STK31: variants seen among roughly 807,000 people sequenced by gnomAD.
The protein encoded by STK31 is serine/threonine-protein kinase 31.
Under a neutral mutation model 129.7 loss-of-function variants are expected in STK31, and 89 were observed. That is an observed-to-expected ratio of 0.69 (90% CI 0.58 to 0.82). STK31 has a LOEUF of 0.82. Among genes scored for constraint, STK31 ranks in the 40% least tolerant of loss-of-function variants. STK31 has a pLI of 0.00. For synonymous variants in STK31, 448 were observed against 395.3 expected (o/e 1.13, Z -1.58); for missense variants, 1,187 against 1,176.4 (o/e 1.01, Z -0.13).
chr7:23,780,344 G>T (rs1180984626), intron 15 of STK31, among the ~76,000 whole-genome samples: 1 of 152,170 alleles, frequency 6.6e-6, no homozygotes, highest in Admixed American at 6.5e-5. Context: ...ACTATCTGAG[G>T]CAGGTATCAA....
intron 8 of STK31, among the ~76,000 whole-genome samples, chr7:23,743,321 T>C (rs1788165116): frequency 6.6e-6 from 1 of 152,186 alleles, no homozygotes; most frequent in Non-Finnish European, 1.5e-5. Context: ...GCATCTCTTG[T>C]AGGGATGGTC....
In STK31 at chr7:23,832,242, C is replaced by G. The variant is rs138652787; in HGVS notation, c.2936C>G (p.Ser979Ter). 3,322 of 1,614,022 alleles carry G rather than the reference C, an allele frequency of 2.1e-3. 7 individuals are homozygous for G. Among genetic ancestry groups the G allele is most frequent in the Non-Finnish European group, 2.6e-3 (3,041 of 1,179,924 alleles). The change falls in exon 24 of 24, where the codon TCA (serine) becomes TGA (stop). Residue 979 changes from serine (S) to a stop codon, truncating the protein, a stop_gained. Transcript: ENST00000355870. LOFTEE classifies it high-confidence loss of function. ...TGTTTCTTGATGCCAAAGGAGCAAT[C>G]AGTTCCAAACCCAGAAAAAGATACT... ...AECFLMPKEQ[S>*]VPNPEKDTEY... is the part of the protein sequence containing the mutation.
At chr7:23,796,491 T>C (rs954467921) in intron 22 of STK31, among the ~76,000 whole-genome samples, 5 of 152,220 alleles carry the variant, frequency 3.3e-5, no homozygotes, top group East Asian at 1.9e-4. Flanking sequence ...TCTACTCTTA[T>C]GTATTGTTGA....
upstream of STK31, chr7:23,710,207 T>C (rs1190301479): frequency 6.2e-7 from 1 of 1,608,614 alleles, no homozygotes; most frequent in East Asian, 2.2e-5. Context: ...GCAGGCGCAG[T>C]GTGGGGCCCT....
chr7:23,781,504 A>C lies in STK31; in HGVS notation c.2051A>C (p.His684Pro). The change falls in exon 16 of 24, where the codon CAT becomes CCT. Residue 684 changes from histidine to proline, a missense_variant. His to Pro is a moderately conservative substitution (Grantham distance 77). Coordinates refer to ENST00000355870, the MANE Select transcript of STK31 (RefSeq NM_031414.5). ...AATAATGTCTTTCAGGAAATTTATC[A>C]TGAGAGAGAGGAATATGTAAGTATT... is the stretch of plus-strand genomic sequence containing the variant. ...LRNNVFQEIY[H>P]EREEYEMLTS... 2 of 1,607,696 alleles carry C rather than the reference A, an allele frequency of 1.2e-6. No homozygotes were observed. The highest frequency in any genetic ancestry group is 1.7e-6 in the Non-Finnish European group (2 of 1,177,072).
chr7:23,718,796 T>C (rs1786510060), intron 4 of STK31, among the ~76,000 whole-genome samples: 1 of 152,108 alleles, frequency 6.6e-6, no homozygotes, highest in Non-Finnish European at 1.5e-5. Flanking sequence ...TGAATGAAAC[T>C]GCCGTGAAAT....
At chr7:23,811,039 A>C (rs1355756517) in intron 22 of STK31, 2 of 156,878 alleles carry the variant, frequency 1.3e-5, no homozygotes, top group African/African-American at 4.8e-5. Flanking sequence ...AAAACTCAAG[A>C]TGACATTATT....
At chr7:23,733,250 A>G (rs77772791) in intron 6 of STK31, among the ~76,000 whole-genome samples, 3,047 of 152,142 alleles carry the variant, frequency 0.02, 34 homozygotes, top group Non-Finnish European at 0.031. Flanking sequence ...TGTTTTGTGG[A>G]TTTAAAAAAT....
chr7:23,815,530 T>A (rs1793418347), intron 23 of STK31, among the ~76,000 whole-genome samples: 1 of 152,192 alleles, frequency 6.6e-6, no homozygotes, highest in African/African-American at 2.4e-5. Context: ...AGTACCTAAC[T>A]ATATCTTTGT....
intron 4 of STK31, among the ~76,000 whole-genome samples, chr7:23,725,655 A>C (rs1258488588): frequency 2.6e-5 from 4 of 152,192 alleles, no homozygotes; most frequent in Non-Finnish European, 5.9e-5. Flanking sequence ...ATTTATAAAG[A>C]AAAGAGGTTT....
At chr7:23,753,621 G>C (rs868599414) in intron 9 of STK31, among the ~76,000 whole-genome samples, 1 of 152,200 alleles carries the variant, frequency 6.6e-6, no homozygotes, top group Non-Finnish European at 1.5e-5. Context: ...CACTACGTTT[G>C]TTATTGTTTG....
chr7:23,798,798 G>T (rs1792174435), intron 22 of STK31, among the ~76,000 whole-genome samples: 1 of 152,182 alleles, frequency 6.6e-6, no homozygotes, highest in African/African-American at 2.4e-5. Flanking sequence ...AAGAGAGACA[G>T]TCAAAGTCTG....
intron 3 of STK31, among the ~76,000 whole-genome samples, chr7:23,715,759 C>G (rs1366854444): frequency 6.6e-6 from 1 of 152,028 alleles, no homozygotes; most frequent in Non-Finnish European, 1.5e-5. Flanking sequence ...TCATGATGTT[C>G]TTTGAACTGC....
intron 15 of STK31, 117 bp from the exon 16 acceptor site, chr7:23,781,302 T>C: frequency 1.5e-6 from 1 of 671,494 alleles, no homozygotes; most frequent in South Asian, 1.9e-5. Flanking sequence ...TTTTATGTGC[T>C]AGGTACTGAA....
intron 22 of STK31, among the ~76,000 whole-genome samples, chr7:23,793,632 A>T (rs568925109): frequency 1.3e-5 from 2 of 152,328 alleles, no homozygotes; most frequent in East Asian, 3.9e-4. Flanking sequence ...CATGTGAAAG[A>T]TGCTCTGAAC....
chr7:23,819,394 C>G (rs2128129234), intron 23 of STK31, among the ~76,000 whole-genome samples: 1 of 150,660 alleles, frequency 6.6e-6, no homozygotes, highest in South Asian at 2.1e-4. Flanking sequence ...AATGCAGACA[C>G]TAGCAGTAAA....
Position 23,781,383 on chromosome 7 carries a change from A to G in STK31, c.1966-36A>G, listed in dbSNP as rs201733444. On this transcript the variant is annotated intron_variant, in intron 15 of 23. Transcript: ENST00000355870. ...TCTTAAAAGAAGACTTGTTTTCTCTATGTTAATAAAAAACACTTTTTCTTT... is the reference window on the plus strand; with the variant it reads ...TCTTAAAAGAAGACTTGTTTTCTCTGTGTTAATAAAAAACACTTTTTCTTT... The G allele has an allele frequency of 5.7e-4, 840 of 1,473,946 alleles. No individual in the cohort carries two copies. The African/African-American group carries it at 5.8e-3, about 10-fold the overall frequency. 91.3% of individuals were successfully genotyped at this position (1,473,946 alleles called of 1,614,324 possible).
At chr7:23,736,859 C>A in intron 7 of STK31, 45 bp from the exon 8 acceptor site, 2 of 1,531,914 alleles carry the variant, frequency 1.3e-6, no homozygotes, top group Non-Finnish European at 1.8e-6. Flanking sequence ...TCTGTGTCAG[C>A]CTTATACAGT....
intron 4 of STK31, chr7:23,721,188 C>A: frequency 3.3e-6 from 1 of 307,204 alleles, no homozygotes; most frequent in Non-Finnish European, 6.0e-6. Context: ...ACAAGTTTTG[C>A]TTTTTTCCAC....
Sources: gnomAD v4.1 joint callset for allele counts (sites outside exome capture counted in the v4.1 genomes callset) on GRCh38, gnomAD v4.1.1 for gene constraint, MANE v1.5 for transcripts, NCBI Gene and HGNC (gene_info 2026-07-23, HGNC 2026-07-21) for gene names.